Variants in FAM13B observed in about 807,000 individuals in gnomAD.
FAM13B encodes family with sequence similarity 13 member B, also known as protein FAM13B.
FAM13B carries 60 observed loss-of-function variants against 117.3 expected under a neutral mutation model. The ratio of observed to expected loss-of-function variants is 0.51; its 90% confidence interval spans 0.42 to 0.63. The LOEUF (loss-of-function observed/expected upper bound fraction) is 0.63. Among genes scored for constraint, FAM13B ranks in the 30% least tolerant of loss-of-function variants. The pLI, the probability that FAM13B is intolerant of heterozygous loss-of-function variation, is 0.00. For synonymous variants in FAM13B, 332 were observed against 356.1 expected, an observed-to-expected ratio of 0.93 and a Z score of 0.76; for missense variants, 972 against 1,091.9, an observed-to-expected ratio of 0.89 and a Z score of 1.55.
chr5:137,940,494 A>C, intron 23 of FAM13B, 146 bp from the exon 24 acceptor site: 1 of 600,986 alleles, frequency 1.7e-6, no homozygotes, highest in Admixed American at 3.4e-5. Flanking sequence ...AGGTTATTGA[A>C]CTAATACCCT....
chr5:137,941,449 ATTACC>A (rs1169884913), intron 23 of FAM13B, among the ~76,000 whole-genome samples: 12 of 152,172 alleles, frequency 7.9e-5, no homozygotes, highest in Admixed American at 7.9e-4. Flanking sequence ...TCAACTGTGC[ATTACC>A]TAGTTAGATA....
At chr5:137,995,684 T>C (rs1779683341) in intron 7 of FAM13B, among the ~76,000 whole-genome samples, 1 of 152,216 alleles carries the variant, frequency 6.6e-6, no homozygotes, top group Non-Finnish European at 1.5e-5. Flanking sequence ...TAGGAGTATT[T>C]TATACCTATG....
At chr5:137,972,166 G>C (rs1177318790) in intron 10 of FAM13B, among the ~76,000 whole-genome samples, 13 of 147,218 alleles carry the variant, frequency 8.8e-5, no homozygotes, top group South Asian at 2.2e-4. Context: ...CCAAAAAAGA[G>C]AATTTTAGAC....
chr5:137,955,280 A>G (rs1443019631), intron 14 of FAM13B, among the ~76,000 whole-genome samples: 5 of 152,204 alleles, frequency 3.3e-5, no homozygotes, highest in Non-Finnish European at 7.3e-5. Flanking sequence ...TAATATTCCC[A>G]AAGGAGGAGC....
At chr5:137,951,397 C>A (rs1764997752) in intron 17 of FAM13B, among the ~76,000 whole-genome samples, 1 of 152,042 alleles carries the variant, frequency 6.6e-6, no homozygotes, top group Non-Finnish European at 1.5e-5. Context: ...GTGGCTCATA[C>A]TTGTAATCCC....
intron 10 of FAM13B, among the ~76,000 whole-genome samples, chr5:137,968,378 C>G (rs1374776399): frequency 2.0e-5 from 3 of 148,514 alleles, no homozygotes; most frequent in Non-Finnish European, 4.5e-5. Flanking sequence ...GAGGTAGAGG[C>G]TGCAGCAAAC....
At chr5:138,050,401 C>T (rs569485177) in intron 1 of FAM13B, among the ~76,000 whole-genome samples, 3 of 152,152 alleles carry the variant, frequency 2.0e-5, no homozygotes, top group Admixed American at 2.0e-4. Flanking sequence ...TGGGCCACTG[C>T]ACTCCAGCCT....
intron 1 of FAM13B, among the ~76,000 whole-genome samples, chr5:138,046,216 T>C (rs1454530371): frequency 2.0e-5 from 3 of 152,336 alleles, no homozygotes; most frequent in African/African-American, 7.2e-5. Flanking sequence ...CAACCATGAT[T>C]GTGAGGCCTC....
Position 137,987,548 on chromosome 5 carries a change from T to C in FAM13B, c.959A>G (p.His320Arg). ...HLFDLQSSIDHDLKNLQQQSV... is the reference protein window; with the variant it reads ...HLFDLQSSIDRDLKNLQQQSV... The stretch of plus-strand genomic sequence containing the variant: ...TTGCTGTTGTAAATTCTTAAGATCA[T>C]GATCTATGCTGCTCTGAAGATCAAA... Residue 320 changes from histidine to arginine, a missense_variant, in exon 9 of 24, where the codon CAT becomes CGT. His to Arg is a conservative substitution (Grantham distance 29). Coordinates refer to ENST00000689681, the MANE Select transcript of FAM13B (RefSeq NM_001385994.1). The C allele has an allele frequency of 1.2e-6, 2 of 1,613,600 alleles. No homozygotes were observed. Among genetic ancestry groups the C allele is most frequent in the Non-Finnish European group, 1.7e-6 (2 of 1,179,710 alleles).
At chr5:138,003,708 T>G (rs1258286953) in intron 7 of FAM13B, among the ~76,000 whole-genome samples, 2 of 152,102 alleles carry the variant, frequency 1.3e-5, no homozygotes, top group Non-Finnish European at 1.5e-5. Flanking sequence ...GACACCTAAC[T>G]AAATTTAGGG....
intron 2 of FAM13B, among the ~76,000 whole-genome samples, chr5:138,020,324 G>A (rs10479170): frequency 0.74 from 112,322 of 152,138 alleles, 42,119 homozygotes; most frequent in East Asian, 0.97. Context: ...CCTCCAAAGC[G>A]CTGGGATTAT....
chr5:137,967,416 C>A (rs1181500246), intron 10 of FAM13B, among the ~76,000 whole-genome samples: 1 of 151,864 alleles, frequency 6.6e-6, no homozygotes, highest in Non-Finnish European at 1.5e-5. Flanking sequence ...CCTAGCTACT[C>A]GGGAGGCTGA....
intron 1 of FAM13B, among the ~76,000 whole-genome samples, chr5:138,048,156 G>A (rs567379844): frequency 1.2e-4 from 18 of 152,206 alleles, no homozygotes; most frequent in Admixed American, 5.2e-4. Flanking sequence ...CAGAAAGTAC[G>A]ATTTCCCATA....
chr5:138,003,777 G>T (rs568564613), intron 7 of FAM13B, among the ~76,000 whole-genome samples: 1 of 152,154 alleles, frequency 6.6e-6, no homozygotes, highest in East Asian at 1.9e-4. Context: ...ACAGACAGAC[G>T]GAGGCAGTCA....
At chr5:138,030,722 CAA>C (rs1202168169) in intron 1 of FAM13B, among the ~76,000 whole-genome samples, 3 of 131,936 alleles carry the variant, frequency 2.3e-5, no homozygotes, top group Admixed American at 7.5e-5. Context: ...CCCCCCCCCC[CAA>C]AAAAAAAAAT....
chr5:137,939,819 A>G lies in FAM13B; in HGVS notation c.*406T>C, dbSNP rs546678274. 8.1e-7 allele frequency: 1 copy of G among 1,242,130 alleles called. No homozygotes were observed. Among genetic ancestry groups the G allele is most frequent in the Non-Finnish European group, 1.0e-6 (1 of 990,516 alleles). The allele number at this position is 1,242,130 out of a possible 1,614,324, so 76.9% of individuals were successfully genotyped here. On this transcript the variant is annotated 3_prime_UTR_variant, in exon 24 of 24. Transcript: ENST00000689681. ...AGTCATTCTGTAAGAAAAAGGCAAC[A>G]GAAGAATTCAGTATGAAGATTTTCC...
At chr5:137,946,342 CA>C (rs752211644) in intron 18 of FAM13B, 31 bp from the exon 19 acceptor site, 66,019 of 859,038 alleles carry the variant, frequency 0.077, 1 homozygote, top group South Asian at 0.11. Flanking sequence ...TAACAAAATA[CA>C]AAAAAAAAAA....
intron 14 of FAM13B, 48 bp from the exon 15 acceptor site, chr5:137,954,424 G>C (rs548891793): frequency 1.3e-4 from 190 of 1,510,612 alleles, no homozygotes; most frequent in Non-Finnish European, 1.7e-4. Context: ...TTGATTCCAC[G>C]TGGGAAAAAA....
intron 14 of FAM13B, 31 bp from the exon 15 acceptor site, chr5:137,954,407 G>A: frequency 6.4e-7 from 1 of 1,565,808 alleles, no homozygotes; most frequent in East Asian, 2.3e-5. Flanking sequence ...ATAGTACCAT[G>A]GGTCTCTTGA....
Sources: gnomAD v4.1 joint callset for allele counts (sites outside exome capture counted in the v4.1 genomes callset) on GRCh38, gnomAD v4.1.1 for gene constraint, MANE v1.5 for transcripts, NCBI Gene and HGNC (gene_info 2026-07-23, HGNC 2026-07-21) for gene names.